IQCM: variants seen among roughly 807,000 people sequenced by gnomAD.
IQCM encodes the protein IQ motif containing M, also known as IQ domain-containing protein M.
In IQCM, 45 loss-of-function variants were observed where a neutral mutation model predicts 57.6. The observed-to-expected ratio is 0.78, with a 90% CI of 0.62 to 1.00. IQCM has a LOEUF of 1.00. Among genes scored for constraint, IQCM ranks in the 50% least tolerant of loss-of-function variants. The pLI, the probability that IQCM is intolerant of heterozygous loss-of-function variation, is 0.00. For missense variants in IQCM, 468 were observed against 511.6 expected, an observed-to-expected ratio of 0.91 and a Z score of 0.82; for synonymous variants, 148 against 158.9, an observed-to-expected ratio of 0.93 and a Z score of 0.51.
At chr4:149,473,793 C>T (rs1418723845) in intron 12 of IQCM, among the ~76,000 whole-genome samples, 1 of 152,060 alleles carries the variant, frequency 6.6e-6, no homozygotes, top group African/African-American at 2.4e-5. Context: ...TACTATGCAG[C>T]CATAAAAAAT....
rs7658267 is a variant in IQCM, at chr4:149,807,524, T to G, written c.-49+7787A>C. On this transcript the variant is annotated intron_variant, in intron 2 of 13. Coordinates refer to ENST00000636793, the MANE Select transcript of IQCM (RefSeq NM_001363507.2). ...CTACAGGACATCAGTCTGGGCAAAGTTTTTTTTGGAAGGTAAGATCTCAAA... is the reference window on the plus strand; with the variant it reads ...CTACAGGACATCAGTCTGGGCAAAGGTTTTTTTGGAAGGTAAGATCTCAAA... Among the ~76,000 whole-genome samples, 1,047 of 151,710 alleles carry G rather than the reference T, an allele frequency of 6.9e-3. 15 individuals are homozygous for G. Among genetic ancestry groups the G allele is most frequent in the African/African-American group, 0.024 (994 of 41,452 alleles).
At chr4:149,690,911 A>G (rs1762897694) in intron 5 of IQCM, 3 of 152,002 alleles carry the variant, frequency 2.0e-5, no homozygotes. Context: ...ATTATTTTTT[A>G]CTGTGCTCTA....
intron 5 of IQCM, chr4:149,691,038 A>G (rs1258831973): frequency 6.6e-6 from 1 of 152,186 alleles, no homozygotes; most frequent in African/African-American, 2.4e-5. Context: ...GACACGTGGT[A>G]TGTTAAGTGA....
chr4:149,525,266 G>A (rs1746045004), intron 12 of IQCM, among the ~76,000 whole-genome samples: 1 of 151,818 alleles, frequency 6.6e-6, no homozygotes, highest in South Asian at 2.1e-4. Context: ...ATAGAATGTA[G>A]CAAGATTTTC....
chr4:149,534,689 C>T (rs1268824767), intron 12 of IQCM, among the ~76,000 whole-genome samples: 3 of 151,984 alleles, frequency 2.0e-5, no homozygotes, highest in African/African-American at 7.2e-5. Context: ...AAAATTTACT[C>T]CATAAACATC....
intron 2 of IQCM, among the ~76,000 whole-genome samples, chr4:149,771,134 A>C (rs552515717): frequency 6.6e-6 from 1 of 152,232 alleles, no homozygotes; most frequent in South Asian, 2.1e-4. Flanking sequence ...TATTTTCTAT[A>C]AAGAACACAA....
intron 12 of IQCM, among the ~76,000 whole-genome samples, chr4:149,484,709 G>T (rs1301167230): frequency 6.6e-6 from 1 of 151,888 alleles, no homozygotes; most frequent in African/African-American, 2.4e-5. Context: ...TCATCATTTG[G>T]TATTTCTACT....
chr4:149,451,412 G>C (rs1315318766), intron 12 of IQCM, among the ~76,000 whole-genome samples: 1 of 151,662 alleles, frequency 6.6e-6, no homozygotes, highest in Non-Finnish European at 1.5e-5. Context: ...TGATTATTAT[G>C]CATTGCATGT....
At chr4:149,552,558 T>C (rs1447812397) in intron 11 of IQCM, among the ~76,000 whole-genome samples, 2 of 152,192 alleles carry the variant, frequency 1.3e-5, no homozygotes, top group Non-Finnish European at 2.9e-5. Flanking sequence ...TAATAAGCAA[T>C]GTGTTGTTTA....
intron 9 of IQCM, among the ~76,000 whole-genome samples, chr4:149,580,956 T>C (rs981952875): frequency 6.6e-6 from 1 of 151,764 alleles, no homozygotes; most frequent in Admixed American, 6.6e-5. Context: ...AGATACCCTG[T>C]TGAATAAACT....
intron 8 of IQCM, among the ~76,000 whole-genome samples, chr4:149,593,746 G>T (rs1215359961): frequency 2.6e-5 from 4 of 151,910 alleles, no homozygotes; most frequent in African/African-American, 9.7e-5. Context: ...TCTGTTTATA[G>T]GATGGATTAT....
At chr4:149,776,901 A>G (rs570143258) in intron 2 of IQCM, among the ~76,000 whole-genome samples, 80 of 152,280 alleles carry the variant, frequency 5.3e-4, no homozygotes, top group African/African-American at 1.8e-3. Context: ...AAGATGCTAG[A>G]TTTAAGATAT....
intron 13 of IQCM, among the ~76,000 whole-genome samples, chr4:149,379,613 C>T (rs1182449943): frequency 6.6e-6 from 1 of 152,186 alleles, no homozygotes; most frequent in East Asian, 1.9e-4. Context: ...CCCAATGCCT[C>T]TACCCCCATT....
At chr4:149,622,341 TC>T (rs1756412904) in intron 7 of IQCM, among the ~76,000 whole-genome samples, 1 of 119,556 alleles carries the variant, frequency 8.4e-6, no homozygotes, top group Admixed American at 8.9e-5. Context: ...TCAGTGGAAT[TC>T]TTTTTTATTT....
At chr4:149,366,926 G>A (rs72724051) in intron 13 of IQCM, among the ~76,000 whole-genome samples, 27,324 of 151,758 alleles carry the variant, frequency 0.18, 2,988 homozygotes, top group Non-Finnish European at 0.25. Flanking sequence ...ATTGCAAAAC[G>A]GATTTGAAAA....
intron 13 of IQCM, among the ~76,000 whole-genome samples, chr4:149,403,639 T>A (rs1732774916): frequency 6.6e-6 from 1 of 151,928 alleles, no homozygotes; most frequent in Non-Finnish European, 1.5e-5. Context: ...CTTTCACTCA[T>A]CCTATGAATA....
chr4:149,498,447 G>A (rs182698236), intron 12 of IQCM, among the ~76,000 whole-genome samples: 112 of 152,258 alleles, frequency 7.4e-4, no homozygotes, highest in African/African-American at 2.5e-3. Flanking sequence ...ACCATGGAAA[G>A]TAGCCAGGCT....
chr4:149,652,816 T>C (rs1221757209), intron 7 of IQCM, among the ~76,000 whole-genome samples: 1 of 152,010 alleles, frequency 6.6e-6, no homozygotes, highest in Non-Finnish European at 1.5e-5. Context: ...GTTAAAGACA[T>C]AGTTTAATAA....
intron 13 of IQCM, among the ~76,000 whole-genome samples, chr4:149,374,881 C>T (rs914252306): frequency 6.6e-6 from 1 of 151,674 alleles, no homozygotes; most frequent in African/African-American, 2.4e-5. Context: ...TTGGCTTTTG[C>T]TATAAAATGT....
Sources: gnomAD v4.1 joint callset for allele counts (sites outside exome capture counted in the v4.1 genomes callset) on GRCh38, gnomAD v4.1.1 for gene constraint, MANE v1.5 for transcripts, NCBI Gene and HGNC (gene_info 2026-07-23, HGNC 2026-07-21) for gene names.